SYNE1: variants seen among roughly 807,000 people sequenced by gnomAD.
The protein encoded by SYNE1 is spectrin repeat containing nuclear envelope protein 1.
In SYNE1, 616 loss-of-function variants were observed where a neutral mutation model predicts 1,111.0. The observed-to-expected ratio is 0.55, with a 90% confidence interval of 0.52 to 0.59. The LOEUF is 0.59. SYNE1 is among the 20% of genes least tolerant of loss of function. The probability of loss-of-function intolerance (pLI) is 0.00; values close to 1 mark genes in which losing one functional copy is unlikely to be tolerated. For synonymous variants in SYNE1, 3,855 were observed against 3,825.8 expected (o/e 1.01, Z -0.28); for missense variants, 10,006 against 10,417.0 (o/e 0.96, Z 1.72).
At chr6:152,237,338 C>T (rs1356691458) in intron 108 of SYNE1, among the ~76,000 whole-genome samples, 2 of 140,888 alleles carry the variant, frequency 1.4e-5, no homozygotes, top group Non-Finnish European at 3.0e-5. Context: ...TAGATAGGCT[C>T]TCACTCTGTT....
intron 71 of SYNE1, 22 bp from the exon 72 acceptor site, chr6:152,350,357 A>G: frequency 6.2e-7 from 1 of 1,614,130 alleles, no homozygotes; most frequent in Non-Finnish European, 8.5e-7. Context: ...GGTGTCCATC[A>G]GAGATGACTT....
At chr6:152,608,058 C>A (rs2099620978) in intron 3 of SYNE1, among the ~76,000 whole-genome samples, 1 of 151,918 alleles carries the variant, frequency 6.6e-6, no homozygotes. Flanking sequence ...GGGGAGGGAA[C>A]CTAGATGATG....
At chr6:152,272,968 C>T (rs2093320071) in intron 98 of SYNE1, among the ~76,000 whole-genome samples, 1 of 152,190 alleles carries the variant, frequency 6.6e-6, no homozygotes, top group African/African-American at 2.4e-5. Context: ...TCCTTTTCTT[C>T]CCACAGATGG....
chr6:152,603,840 T>TATATA (rs1250189280), intron 3 of SYNE1, among the ~76,000 whole-genome samples: 11,267 of 144,854 alleles, frequency 0.078, 1,045 homozygotes, highest in Middle Eastern at 0.099. Context: ...ATACTATCTA[T>TATATA]CTATACATAT....
At chr6:152,590,948 T>C (rs1432832194) in intron 3 of SYNE1, among the ~76,000 whole-genome samples, 1 of 152,244 alleles carries the variant, frequency 6.6e-6, no homozygotes, top group Non-Finnish European at 1.5e-5. Context: ...CTGACAAGAA[T>C]AGCATTGAAT....
At chr6:152,321,026 A>G (rs903500611) in intron 84 of SYNE1, among the ~76,000 whole-genome samples, 1 of 152,194 alleles carries the variant, frequency 6.6e-6, no homozygotes, top group Non-Finnish European at 1.5e-5. Context: ...GAAGCACAAA[A>G]ATTATCTTTA....
intron 86 of SYNE1, 67 bp from the exon 87 acceptor site, chr6:152,317,053 TTCTC>T: frequency 6.3e-7 from 1 of 1,583,618 alleles, no homozygotes; most frequent in Non-Finnish European, 8.6e-7. Context: ...TAAATCAGTC[TTCTC>T]TCTCTTTGGA....
At chr6:152,544,659 C>T (rs902467529) in intron 3 of SYNE1, among the ~76,000 whole-genome samples, 1 of 152,158 alleles carries the variant, frequency 6.6e-6, no homozygotes, top group African/African-American at 2.4e-5. Context: ...ACAACAAATG[C>T]ACAAATGAGG....
rs2096199549 is a variant in SYNE1 at position 152,329,735 on chromosome 6, T to C, written c.14950A>G (p.Arg4984Gly). The change falls in exon 78 of 146, where the codon AGA becomes GGA. Residue 4984 changes from arginine to glycine, a missense_variant. By Grantham distance (125) the Arg-to-Gly change is moderately radical. Coordinates refer to ENST00000367255, the MANE Select transcript of SYNE1 (RefSeq NM_182961.4). ...TGAAGTCCTATTATACCCACCTGTC[T>C]GGTGCGTAAGGCTTCCTGGATGTCT... Reference protein sequence around the residue: ...DGDIQEALRTRQATLTEIYSQ... With the variant: ...DGDIQEALRTGQATLTEIYSQ... The C allele has an allele frequency of 6.2e-7, 1 of 1,614,210 alleles. No homozygotes were observed. The highest frequency in any genetic ancestry group is 8.5e-7 in the Non-Finnish European group (1 of 1,180,028).
intron 143 of SYNE1, 69 bp from the exon 144 acceptor site, chr6:152,132,283 G>T (rs150419138): frequency 1.6e-6 from 2 of 1,271,394 alleles, no homozygotes; most frequent in East Asian, 2.3e-5. Context: ...GTTGCACCAC[G>T]TTATCTCCCA....
At position 152,430,740 on chromosome 6, in the gene SYNE1, T is replaced by G. The variant is rs1563967805; in HGVS notation, c.4462-31A>C. The G allele has an allele frequency of 1.7e-5, 27 of 1,593,508 alleles. No individual in the cohort carries two copies. The Middle Eastern group carries it at 5.0e-4, about 29-fold the overall frequency. Reference sequence around the variant, plus strand: ...AGTTAAAACAAGAAAAATGACAATGTAGGCTGAGCAAGCTTGCCTTCCTGA... The same window carrying G: ...AGTTAAAACAAGAAAAATGACAATGGAGGCTGAGCAAGCTTGCCTTCCTGA... On this transcript the variant is annotated intron_variant, in intron 34 of 145. Transcript: ENST00000367255.
In SYNE1 at chr6:152,441,154, T is replaced by C. The variant is rs544182159; in HGVS notation, c.4125A>G (p.Leu1375=). 1 of 1,613,640 alleles carries C rather than the reference T, an allele frequency of 6.2e-7. No homozygotes were observed. The highest frequency in any genetic ancestry group is 1.3e-5 in the African/African-American group (1 of 74,922). The part of the protein sequence containing the change: ...RFLSFSSLES[L]SSELEQTKEF... ...CCTTTGTTTGTTCCAGTTCTGAAGA[T>C]AAACTTTCCAAACTGCTAAAACTCA... The change falls in exon 32 of 146, where the codon TTA becomes TTG. Residue 1375 remains leucine, a synonymous_variant. Transcript: ENST00000367255.
At chr6:152,378,423 C>A (rs890448759) in intron 56 of SYNE1, among the ~76,000 whole-genome samples, 1 of 152,156 alleles carries the variant, frequency 6.6e-6, no homozygotes, top group African/African-American at 2.4e-5. Flanking sequence ...AAGCATCATC[C>A]GGGCCTCTCC....
chr6:152,311,186 A>G (rs2095535223), intron 87 of SYNE1: 2 of 372,214 alleles, frequency 5.4e-6, no homozygotes, highest in Non-Finnish European at 1.0e-5. Context: ...GAATTCTAGC[A>G]GTGAAAAACC....
chr6:152,423,853 T>C (rs2098309303), intron 39 of SYNE1, among the ~76,000 whole-genome samples: 1 of 152,220 alleles, frequency 6.6e-6, no homozygotes, highest in Non-Finnish European at 1.5e-5. Flanking sequence ...CCTTTGCCTG[T>C]GTGGGTCTGT....
chr6:152,161,928 G>T (rs932612724), intron 131 of SYNE1, among the ~76,000 whole-genome samples: 1 of 152,184 alleles, frequency 6.6e-6, no homozygotes, highest in African/African-American at 2.4e-5. Flanking sequence ...AAGCGGGCTG[G>T]GAGCCCTAGC....
rs769649824 is a variant in SYNE1, at chr6:152,409,237, A to G, written c.6382-11T>C. ...CTTGGCAGTTTCATGCTGTGGATAAATGATTTCTTAATTAATAAAATAGTC... is the reference window on the plus strand; with the variant it reads ...CTTGGCAGTTTCATGCTGTGGATAAGTGATTTCTTAATTAATAAAATAGTC... On this transcript the variant is annotated splice_polypyrimidine_tract_variant and intron_variant, in intron 43 of 145. Transcript: ENST00000367255. 5.9e-5 allele frequency: 95 copies of G among 1,612,898 alleles called. No homozygotes were observed. The highest frequency in any genetic ancestry group is 7.8e-5 in the Non-Finnish European group (92 of 1,179,174).
intron 121 of SYNE1, among the ~76,000 whole-genome samples, chr6:152,217,390 C>A: frequency 7.7e-6 from 1 of 130,270 alleles, no homozygotes; most frequent in East Asian, 2.2e-4. Context: ...AGCAAGACTC[C>A]GTCACAAAAA....
At chr6:152,491,790 C>G (rs2098972068) in intron 11 of SYNE1, among the ~76,000 whole-genome samples, 1 of 152,104 alleles carries the variant, frequency 6.6e-6, no homozygotes, top group African/African-American at 2.4e-5. Flanking sequence ...CCACCCCAAG[C>G]TCTGAGTCCT....
Sources: gnomAD v4.1 joint callset for allele counts (sites outside exome capture counted in the v4.1 genomes callset) on GRCh38, gnomAD v4.1.1 for gene constraint, MANE v1.5 for transcripts, NCBI Gene and HGNC (gene_info 2026-07-23, HGNC 2026-07-21) for gene names.